PPP2R5E: variants seen among roughly 807,000 people sequenced by gnomAD.
The protein encoded by PPP2R5E is serine/threonine-protein phosphatase 2A 56 kDa regulatory subunit epsilon isoform.
Under a neutral mutation model 65.3 loss-of-function variants are expected in PPP2R5E, and 4 were observed. That is an observed-to-expected ratio of 0.06 (90% CI 0.03 to 0.14). PPP2R5E has a LOEUF of 0.14. PPP2R5E is among the 10% of genes least tolerant of loss of function. The pLI, the probability that PPP2R5E is intolerant of heterozygous loss-of-function variation, is 1.00. For synonymous variants in PPP2R5E, 183 were observed against 187.4 expected, an observed-to-expected ratio of 0.98 and a Z score of 0.19; for missense variants, 274 against 556.1, an observed-to-expected ratio of 0.49 and a Z score of 5.10.
chr14:63,449,197 G>A (rs1035411811), intron 3 of PPP2R5E, among the ~76,000 whole-genome samples: 4 of 152,056 alleles, frequency 2.6e-5, no homozygotes, highest in South Asian at 2.1e-4. Context: ...ACAGTAACAC[G>A]AAAGAGAAAT....
chr14:63,414,386 A>C (rs1410313590), intron 5 of PPP2R5E, among the ~76,000 whole-genome samples: 2 of 152,210 alleles, frequency 1.3e-5, no homozygotes, highest in Non-Finnish European at 2.9e-5. Context: ...ACTAGGAGAT[A>C]AACATTTATT....
intron 3 of PPP2R5E, among the ~76,000 whole-genome samples, chr14:63,435,658 T>A (rs1887918551): frequency 6.6e-6 from 1 of 152,204 alleles, no homozygotes; most frequent in Admixed American, 6.5e-5. Context: ...ACACCCTCTC[T>A]AATCTAAACT....
chr14:63,397,691 T>C (rs1885487136), intron 5 of PPP2R5E, among the ~76,000 whole-genome samples: 1 of 151,814 alleles, frequency 6.6e-6, no homozygotes, highest in South Asian at 2.1e-4. Flanking sequence ...AAGTGAACAT[T>C]GATTATTTCT....
At chr14:63,377,057 C>CG (rs1044855301) in intron 13 of PPP2R5E, among the ~76,000 whole-genome samples, 3 of 151,502 alleles carry the variant, frequency 2.0e-5, no homozygotes, top group South Asian at 2.1e-4. Flanking sequence ...CGCTTGAACC[C>CG]GGGGGGCGGA....
chr14:63,444,020 T>G (rs1456648232), intron 3 of PPP2R5E, among the ~76,000 whole-genome samples: 1 of 152,220 alleles, frequency 6.6e-6, no homozygotes. Context: ...TCTGTCCCAC[T>G]GTCACTGAAA....
At chr14:63,527,462 T>C (rs1190225629) in intron 2 of PPP2R5E, among the ~76,000 whole-genome samples, 1 of 152,246 alleles carries the variant, frequency 6.6e-6, no homozygotes, top group South Asian at 2.1e-4. Context: ...TAAAAGACGT[T>C]AGTAAACATT....
intron 2 of PPP2R5E, among the ~76,000 whole-genome samples, chr14:63,458,408 T>C (rs1207858820): frequency 6.6e-6 from 1 of 152,166 alleles, no homozygotes; most frequent in African/African-American, 2.4e-5. Flanking sequence ...CATTCAGCAC[T>C]TTGCAAAGCA....
rs56873987 is a variant in PPP2R5E at position 63,498,367 on chromosome 14, ATTTCT to A, written c.157+41157_157+41161del. ...TCCACTTCACTAACCTCTTGACATC[ATTTCT>A]TTTCTTTTCTTTTTTTCTTTTTAAG... On this transcript the variant is annotated intron_variant, in intron 2 of 13. Coordinates refer to ENST00000337537, the MANE Select transcript of PPP2R5E (RefSeq NM_006246.5). Among the ~76,000 whole-genome samples, 9 of 151,514 alleles carry A rather than the reference ATTTCT, an allele frequency of 5.9e-5. No homozygotes were observed. The East Asian group carries it at 1.6e-3, about 26-fold the overall frequency.
chr14:63,387,133 A>G (rs1373015682), intron 11 of PPP2R5E, among the ~76,000 whole-genome samples: 1 of 152,110 alleles, frequency 6.6e-6, no homozygotes, highest in Admixed American at 6.6e-5. Context: ...GAAAAAAAGG[A>G]GTAAGAATGA....
At chr14:63,440,240 T>C (rs1204268939) in intron 3 of PPP2R5E, among the ~76,000 whole-genome samples, 2 of 152,068 alleles carry the variant, frequency 1.3e-5, no homozygotes, top group Admixed American at 1.3e-4. Flanking sequence ...CCTGGGCTCC[T>C]CCTCACCTCC....
At chr14:63,479,084 A>G (rs1221234110) in intron 2 of PPP2R5E, among the ~76,000 whole-genome samples, 1 of 152,178 alleles carries the variant, frequency 6.6e-6, no homozygotes, top group Non-Finnish European at 1.5e-5. Context: ...AGCTGAGATC[A>G]TGCCACTGCA....
intron 5 of PPP2R5E, among the ~76,000 whole-genome samples, chr14:63,411,881 T>C (rs1448617911): frequency 2.6e-5 from 4 of 152,108 alleles, no homozygotes; most frequent in Non-Finnish European, 5.9e-5. Flanking sequence ...GCCACAAGAA[T>C]TCCTTTACAG....
intron 3 of PPP2R5E, chr14:63,451,315 A>G (rs899908655): frequency 2.6e-5 from 4 of 152,236 alleles, no homozygotes; most frequent in African/African-American, 9.6e-5. Context: ...AAGCAACTAA[A>G]ATGTCCTTCA....
At chr14:63,429,157 A>G (rs910518699) in intron 3 of PPP2R5E, among the ~76,000 whole-genome samples, 1 of 152,186 alleles carries the variant, frequency 6.6e-6, no homozygotes, top group Non-Finnish European at 1.5e-5. Context: ...ACAGTATAAC[A>G]AGTCAATTTA....
intron 11 of PPP2R5E, among the ~76,000 whole-genome samples, chr14:63,386,921 C>G (rs894306685): frequency 1.6e-5 from 2 of 128,510 alleles, no homozygotes; most frequent in Non-Finnish European, 3.1e-5. Flanking sequence ...AAGACTCCAT[C>G]TCAAAAAAAA....
At chr14:63,400,102 C>G (rs530066445) in intron 5 of PPP2R5E, among the ~76,000 whole-genome samples, 2 of 152,290 alleles carry the variant, frequency 1.3e-5, no homozygotes, top group East Asian at 3.9e-4. Flanking sequence ...CATCCACCAT[C>G]CATCTATCAT....
rs1489848913 is a variant in PPP2R5E at position 63,376,116 on chromosome 14, A to G, written c.1305-8T>C. ...TTTTCTTTCTTTTTCTCACTGAGGA[A>G]GAAACAGAATACAATGTAAACAGCT... On this transcript the variant is annotated splice_polypyrimidine_tract_variant and splice_region_variant and intron_variant, in intron 13 of 13. Coordinates refer to ENST00000337537, the MANE Select transcript of PPP2R5E (RefSeq NM_006246.5). 1.3e-6 allele frequency: 2 copies of G among 1,557,764 alleles called. No homozygotes were observed. Among genetic ancestry groups the G allele is most frequent in the East Asian group, 2.2e-5 (1 of 44,474 alleles).
intron 2 of PPP2R5E, among the ~76,000 whole-genome samples, chr14:63,535,773 T>C (rs1364184831): frequency 2.0e-5 from 3 of 152,178 alleles, no homozygotes; most frequent in Admixed American, 2.0e-4. Context: ...CCAAATAAAA[T>C]TAACCCAATT....
chr14:63,407,641 T>C (rs989072700), intron 5 of PPP2R5E, among the ~76,000 whole-genome samples: 1 of 152,156 alleles, frequency 6.6e-6, no homozygotes, highest in African/African-American at 2.4e-5. Flanking sequence ...TAACAACAAT[T>C]TGGTAGAACT....
Sources: allele counts gnomAD v4.1 joint callset (sites outside exome capture counted in the v4.1 genomes callset), GRCh38; gene constraint gnomAD v4.1.1; transcripts MANE v1.5; gene names NCBI Gene and HGNC (gene_info 2026-07-23, HGNC 2026-07-21).